TNKS: variants seen among roughly 807,000 people sequenced by gnomAD.
TNKS encodes the protein tankyrase.
Under a neutral mutation model 135.8 loss-of-function variants are expected in TNKS, and 72 were observed. The observed-to-expected ratio is 0.53, with a 90% CI of 0.44 to 0.64. TNKS has a LOEUF of 0.64. TNKS is among the 30% of genes least tolerant of loss of function. The pLI is 0.00. For synonymous variants in TNKS, 849 were observed against 649.3 expected (o/e 1.31, Z -4.68); for missense variants, 1,769 against 1,674.0 (o/e 1.06, Z -0.99).
chr8:9,698,706 G>A (rs1474167996), intron 5 of TNKS, among the ~76,000 whole-genome samples: 1 of 152,118 alleles, frequency 6.6e-6, no homozygotes, highest in African/African-American at 2.4e-5. Flanking sequence ...TTTGCAAAAG[G>A]CTTATCAGTT....
intron 26 of TNKS, among the ~76,000 whole-genome samples, chr8:9,774,554 C>T (rs541817263): frequency 2.6e-5 from 4 of 152,304 alleles, no homozygotes; most frequent in East Asian, 1.9e-4. Flanking sequence ...CGGAAAATGA[C>T]GGTTTTTGGT....
chr8:9,733,811 T>A (rs1805560210), intron 15 of TNKS, among the ~76,000 whole-genome samples: 1 of 152,216 alleles, frequency 6.6e-6, no homozygotes, highest in African/African-American at 2.4e-5. Flanking sequence ...TTTATTATTG[T>A]TAACTAACTC....
In TNKS at chr8:9,641,341, A is replaced by T. The variant is rs994264212; in HGVS notation, c.994+25664A>T. On this transcript the variant is annotated intron_variant, in intron 3 of 26. Transcript: ENST00000310430. ...CACTTTGATAGTTGTTCAGTATATA[A>T]GGATAAAAAAGGCCTGCTAGGAAAT... 1.4e-5 allele frequency among the ~76,000 whole-genome samples: 2 copies of T among 144,366 alleles called. 1 individual carries two copies. The highest frequency in any genetic ancestry group is 3.0e-5 in the Non-Finnish European group (2 of 66,284). The allele number at this position is 144,366 out of a possible 152,430, so 94.7% of individuals were successfully genotyped here.
chr8:9,733,561 CT>C, intron 15 of TNKS, 117 bp downstream of exon 15: 1 of 811,974 alleles, frequency 1.2e-6, no homozygotes, highest in South Asian at 1.9e-5. Flanking sequence ...AGAGACTGCT[CT>C]CATTTTCTAT....
At chr8:9,745,564 C>T (rs958964665) in intron 17 of TNKS, among the ~76,000 whole-genome samples, 1 of 152,006 alleles carries the variant, frequency 6.6e-6, no homozygotes, top group Non-Finnish European at 1.5e-5. Context: ...GGCGCCACAC[C>T]CAGCTAATTT....
chr8:9,567,432 T>C (rs904371879), intron 1 of TNKS, among the ~76,000 whole-genome samples: 3 of 152,236 alleles, frequency 2.0e-5, no homozygotes, highest in African/African-American at 7.2e-5. Context: ...TATTTTTTTT[T>C]TGAGACGGAG....
At chr8:9,732,625 T>A (rs964625652) in intron 14 of TNKS, among the ~76,000 whole-genome samples, 4 of 151,976 alleles carry the variant, frequency 2.6e-5, no homozygotes, top group African/African-American at 4.8e-5. Flanking sequence ...TTCTGCCATG[T>A]GTTAACTTCA....
chr8:9,630,208 C>G (rs1028040504), intron 3 of TNKS, among the ~76,000 whole-genome samples: 1 of 151,682 alleles, frequency 6.6e-6, no homozygotes, highest in Admixed American at 6.6e-5. Flanking sequence ...CGATTTTTTT[C>G]TCCTTTGTTC....
chr8:9,617,244 A>T (rs1799679897), intron 3 of TNKS, among the ~76,000 whole-genome samples: 4 of 152,192 alleles, frequency 2.6e-5, no homozygotes, highest in Admixed American at 2.6e-4. Context: ...TGGAACAATC[A>T]CTTGTGGAGA....
chr8:9,616,525 A>G (rs6995196), intron 3 of TNKS, among the ~76,000 whole-genome samples: 2,721 of 152,270 alleles, frequency 0.018, 91 homozygotes, highest in African/African-American at 0.061. Flanking sequence ...AAATTTGCCC[A>G]TGGTCGAAGA....
chr8:9,590,029 G>T (rs1798533226), intron 2 of TNKS, among the ~76,000 whole-genome samples: 1 of 152,200 alleles, frequency 6.6e-6, no homozygotes, highest in South Asian at 2.1e-4. Context: ...AGAATTTCAG[G>T]TGGTGACAGC....
At chr8:9,726,107 A>G (rs546413300) in intron 12 of TNKS, among the ~76,000 whole-genome samples, 1 of 152,294 alleles carries the variant, frequency 6.6e-6, no homozygotes, top group Admixed American at 6.5e-5. Flanking sequence ...AAGAAAAATC[A>G]AGGCTGGGCG....
chr8:9,645,630 G>A (rs997723370), intron 3 of TNKS, among the ~76,000 whole-genome samples: 1 of 152,250 alleles, frequency 6.6e-6, no homozygotes, highest in African/African-American at 2.4e-5. Flanking sequence ...AATCTAGGTA[G>A]AGGGGAAACA....
chr8:9,702,439 T>G (rs1803849275), intron 5 of TNKS, among the ~76,000 whole-genome samples: 1 of 152,028 alleles, frequency 6.6e-6, no homozygotes, highest in Non-Finnish European at 1.5e-5. Flanking sequence ...AAAACACATG[T>G]ACAAAGGAAC....
In TNKS at chr8:9,752,935, A is replaced by G. The variant is rs1806624102; in HGVS notation, c.3153+309A>G. ...AGCTGTGATTGTGCCACTGCATTCT[A>G]GCTTTGGCGACAAAACAAAACCCTA... is the stretch of plus-strand genomic sequence containing the variant. On this transcript the variant is annotated intron_variant, in intron 20 of 26. Coordinates refer to ENST00000310430, the MANE Select transcript of TNKS (RefSeq NM_003747.3). Among the ~76,000 whole-genome samples, 2 of 151,270 alleles carry G rather than the reference A, an allele frequency of 1.3e-5. 1 individual carries two copies.
rs192449459 is a variant in TNKS at position 9,735,390 on chromosome 8, C to G, written c.2547C>G (p.Asn849Lys). The change falls in exon 17 of 27, where the codon AAC (asparagine) becomes AAG (lysine). Residue 849 changes from asparagine to lysine, a missense_variant. Asn to Lys is a moderately conservative substitution (Grantham distance 94). Around this residue, in one of 5 missense-constraint regions of TNKS, gnomAD observed 722 missense variants for 688.9 expected, o/e 1.05. Transcript: ENST00000310430. ...TACTCTAAATAGCAGGCTATAATAACCTGGAAGTAGCTGAATATCTTCTAG... is the reference window on the plus strand; with the variant it reads ...TACTCTAAATAGCAGGCTATAATAAGCTGGAAGTAGCTGAATATCTTCTAG... ...TPLHLAAGYN[N>K]LEVAEYLLEH... 1 of 1,613,788 alleles carries G rather than the reference C, an allele frequency of 6.2e-7. No individual in the cohort carries two copies. Among genetic ancestry groups the G allele is most frequent in the East Asian group, 2.2e-5 (1 of 44,856 alleles).
At chr8:9,693,601 T>C (rs1803379203) in intron 5 of TNKS, among the ~76,000 whole-genome samples, 1 of 152,142 alleles carries the variant, frequency 6.6e-6, no homozygotes, top group African/African-American at 2.4e-5. Flanking sequence ...ATATTGAGAC[T>C]GGTTAAACTG....
chr8:9,574,014 T>C (rs1434301791), intron 1 of TNKS, among the ~76,000 whole-genome samples: 3 of 152,310 alleles, frequency 2.0e-5, no homozygotes, highest in South Asian at 4.1e-4. Flanking sequence ...AAATTTGATA[T>C]TGAAATATTT....
chr8:9,691,158 A>T (rs994798891), intron 5 of TNKS, among the ~76,000 whole-genome samples: 7 of 152,208 alleles, frequency 4.6e-5, no homozygotes, highest in African/African-American at 1.4e-4. Context: ...ACTGCAGGGG[A>T]GTTTAGTTCA....
Sources: gnomAD v4.1 joint callset for allele counts (sites outside exome capture counted in the v4.1 genomes callset) on GRCh38, gnomAD v4.1.1 for gene constraint, gnomAD v4.1.1 regional missense constraint, MANE v1.5 for transcripts, NCBI Gene and HGNC (gene_info 2026-07-23, HGNC 2026-07-21) for gene names.